Variants in RAP1GDS1 observed in about 807,000 individuals in gnomAD.
RAP1GDS1 encodes RAP1, GTP-GDP dissociation stimulator 1.
RAP1GDS1 carries 35 observed loss-of-function variants against 71.1 expected under a neutral mutation model. The ratio of observed to expected loss-of-function variants is 0.49; its 90% CI spans 0.38 to 0.65. The LOEUF (loss-of-function observed/expected upper bound fraction) is 0.65, where lower values mean the gene tolerates loss of function less well. Ranked by LOEUF, RAP1GDS1 falls within the 30% of genes least tolerant of loss-of-function variation. The probability of loss-of-function intolerance (pLI) is 0.00; values close to 1 mark genes in which losing one functional copy is unlikely to be tolerated. For missense variants in RAP1GDS1, 663 were observed against 706.1 expected (o/e 0.94, Z 0.69); for synonymous variants, 229 against 243.1 (o/e 0.94, Z 0.54).
intron 1 of RAP1GDS1, among the ~76,000 whole-genome samples, chr4:98,292,763 A>G (rs1432403448): frequency 6.6e-6 from 1 of 152,200 alleles, no homozygotes; most frequent in African/African-American, 2.4e-5. Flanking sequence ...ATATAAACAA[A>G]AGCTCTTTGG....
intron 14 of RAP1GDS1, chr4:98,441,623 G>A: frequency 1.0e-6 from 1 of 983,748 alleles, no homozygotes; most frequent in South Asian, 4.7e-5. Context: ...TGGGCAAGTA[G>A]CTGTGCAGTG....
intron 2 of RAP1GDS1, among the ~76,000 whole-genome samples, chr4:98,333,164 C>T (rs1238851127): frequency 6.6e-6 from 1 of 151,762 alleles, no homozygotes; most frequent in African/African-American, 2.4e-5. Context: ...TTATTGGTTC[C>T]TTTTCTTATT....
intron 1 of RAP1GDS1, among the ~76,000 whole-genome samples, chr4:98,288,793 G>A (rs1231420334): frequency 6.6e-6 from 1 of 152,024 alleles, no homozygotes; most frequent in African/African-American, 2.4e-5. Flanking sequence ...GTGATGATGA[G>A]CATTTTTTCA....
At chr4:98,386,750 G>A (rs1303868904) in intron 5 of RAP1GDS1, among the ~76,000 whole-genome samples, 4 of 151,876 alleles carry the variant, frequency 2.6e-5, no homozygotes, top group Admixed American at 1.3e-4. Context: ...TTAGAATAAA[G>A]TTCTCCACTT....
intron 4 of RAP1GDS1, among the ~76,000 whole-genome samples, chr4:98,371,923 A>C (rs1004198787): frequency 2.0e-5 from 3 of 152,142 alleles, no homozygotes; most frequent in Non-Finnish European, 4.4e-5. Flanking sequence ...TTTTTACCCA[A>C]TCTGACCATC....
At chr4:98,295,162 G>T (rs1224679226) in intron 2 of RAP1GDS1, among the ~76,000 whole-genome samples, 1 of 152,056 alleles carries the variant, frequency 6.6e-6, no homozygotes. Context: ...ACACTGAGAA[G>T]TTCATAATTA....
At chr4:98,331,920 T>A (rs1424922456) in intron 2 of RAP1GDS1, among the ~76,000 whole-genome samples, 1 of 152,140 alleles carries the variant, frequency 6.6e-6, no homozygotes, top group Admixed American at 6.6e-5. Flanking sequence ...AGAGTAATAA[T>A]CAAAAGACTT....
At chr4:98,354,166 C>T (rs1300055687) in intron 4 of RAP1GDS1, among the ~76,000 whole-genome samples, 2 of 151,222 alleles carry the variant, frequency 1.3e-5, no homozygotes, top group Non-Finnish European at 3.0e-5. Context: ...GGGTTCACGC[C>T]ATTCTCCTGC....
chr4:98,430,511 CAAAG>C (rs1274465261), intron 12 of RAP1GDS1, among the ~76,000 whole-genome samples: 1 of 152,156 alleles, frequency 6.6e-6, no homozygotes, highest in African/African-American at 2.4e-5. Context: ...AAATCTTCTA[CAAAG>C]AAAGAGTTGC....
intron 7 of RAP1GDS1, among the ~76,000 whole-genome samples, chr4:98,405,541 G>A (rs1035538494): frequency 6.6e-6 from 1 of 151,968 alleles, no homozygotes; most frequent in Non-Finnish European, 1.5e-5. Context: ...GGGGAGGGGA[G>A]TGTGCAGAGG....
At chr4:98,329,861 T>TA (rs1733689796) in intron 2 of RAP1GDS1, among the ~76,000 whole-genome samples, 1 of 152,200 alleles carries the variant, frequency 6.6e-6, no homozygotes, top group South Asian at 2.1e-4. Context: ...ACTTGTTTTT[T>TA]ATTCCAGTAT....
chr4:98,331,373 GGAGA>G (rs1041342710), intron 2 of RAP1GDS1, among the ~76,000 whole-genome samples: 1 of 151,200 alleles, frequency 6.6e-6, no homozygotes, highest in Non-Finnish European at 1.5e-5. Flanking sequence ...AGAGGGAGAG[GGAGA>G]GAGAGAGGGA....
rs74552150 is a variant in RAP1GDS1, at chr4:98,397,068, T to C, written c.637+4988T>C. Among the ~76,000 whole-genome samples the C allele has an allele frequency of 2.6e-5, 4 of 152,230 alleles. No homozygotes were observed. In the South Asian group the frequency reaches 6.2e-4, roughly 24 times the overall value. On this transcript the variant is annotated intron_variant, in intron 6 of 14. Coordinates refer to ENST00000408927, the MANE Select transcript of RAP1GDS1 (RefSeq NM_001100427.2). ...TTTTACAGGATTAAAGATGTTTTCA[T>C]TTTTTCCCAATAATGAAAAAAAGAT... is the stretch of plus-strand genomic sequence containing the variant.
intron 4 of RAP1GDS1, among the ~76,000 whole-genome samples, chr4:98,368,001 G>A (rs543283166): frequency 6.6e-6 from 1 of 152,200 alleles, no homozygotes; most frequent in East Asian, 1.9e-4. Context: ...TTTGGGAGGG[G>A]CCGGGGGTGG....
rs147371196 is a variant in RAP1GDS1, at chr4:98,392,925, T to G, written c.637+845T>G. The stretch of plus-strand genomic sequence containing the variant: ...AAACCAGACCAATGCTGGAAACACA[T>G]CCTAGTCATAACACAGAGGAGGATG... On this transcript the variant is annotated intron_variant, in intron 6 of 14. Transcript: ENST00000408927. 2.6e-3 allele frequency among the ~76,000 whole-genome samples: 400 copies of G among 152,150 alleles called. 2 individuals carry two copies. The highest frequency in any genetic ancestry group is 9.3e-3 in the African/African-American group (384 of 41,504).
chr4:98,425,583 G>C (rs1749502067), intron 12 of RAP1GDS1, among the ~76,000 whole-genome samples: 1 of 152,132 alleles, frequency 6.6e-6, no homozygotes, highest in Admixed American at 6.6e-5. Context: ...TAGCTATCTT[G>C]TATCAGGCAA....
At chr4:98,437,254 ATCT>A (rs959408187) in intron 14 of RAP1GDS1, among the ~76,000 whole-genome samples, 186 bp downstream of exon 14, 5 of 152,260 alleles carry the variant, frequency 3.3e-5, no homozygotes, top group African/African-American at 1.2e-4. Flanking sequence ...GACATTGAAA[ATCT>A]TCTCTTCTAG....
intron 6 of RAP1GDS1, among the ~76,000 whole-genome samples, chr4:98,403,095 A>T (rs1426934490): frequency 1.3e-5 from 2 of 152,152 alleles, no homozygotes; most frequent in Non-Finnish European, 2.9e-5. Context: ...TAGCTTTCTC[A>T]CGACACTGCT....
intron 4 of RAP1GDS1, among the ~76,000 whole-genome samples, chr4:98,367,171 C>G (rs1338831179): frequency 6.6e-6 from 1 of 152,154 alleles, no homozygotes; most frequent in Non-Finnish European, 1.5e-5. Flanking sequence ...GCCTTCCAGC[C>G]ACTCCAGCTA....
Sources: gnomAD v4.1 joint callset for allele counts (sites outside exome capture counted in the v4.1 genomes callset) on GRCh38, gnomAD v4.1.1 for gene constraint, MANE v1.5 for transcripts, NCBI Gene and HGNC (gene_info 2026-07-23, HGNC 2026-07-21) for gene names.